DRC11: variants seen among roughly 807,000 people sequenced by gnomAD.
DRC11 encodes IQ and AAA domain-containing protein 1.
At chr2:236,365,316 C>T in the DRC11 span, among the ~76,000 whole-genome samples, 5 of 151,970 alleles carry the variant, frequency 3.3e-5, no homozygotes, top group Non-Finnish European at 5.9e-5. The surrounding 1 kb of genome is among the most constrained non-coding windows in gnomAD (Gnocchi z 7.4). Flanking sequence ...AACTGCTCCC[C>T]GCGGAGGACT....
chr2:236,374,716 G>C, the DRC11 span, among the ~76,000 whole-genome samples: 1 of 152,054 alleles, frequency 6.6e-6, no homozygotes, highest in Non-Finnish European at 1.5e-5. Context: ...TTGAGATGGT[G>C]TTTCGCTCTT....
the DRC11 span, among the ~76,000 whole-genome samples, chr2:236,417,807 T>A: frequency 6.6e-6 from 1 of 151,808 alleles, no homozygotes; most frequent in Non-Finnish European, 1.5e-5. Context: ...CAACTCCCAC[T>A]TATGAGTGAG....
At chr2:236,429,219 C>T in the DRC11 span, among the ~76,000 whole-genome samples, 1 of 152,214 alleles carries the variant, frequency 6.6e-6, no homozygotes, top group Non-Finnish European at 1.5e-5. The surrounding 1 kb of genome is among the most constrained non-coding windows in gnomAD (Gnocchi z 5.9). Flanking sequence ...CTTGCCATTT[C>T]AGGCAGCTGG....
chr2:236,488,008 T>G, the DRC11 span: 1 of 1,584,218 alleles, frequency 6.3e-7, no homozygotes, highest in Non-Finnish European at 8.6e-7. Context: ...ACCTTCTGAA[T>G]GCGGAGTGCA....
At chr2:236,323,304 C>T in the DRC11 span, among the ~76,000 whole-genome samples, 4 of 152,284 alleles carry the variant, frequency 2.6e-5, no homozygotes, top group Non-Finnish European at 4.4e-5. This position sits in a 1 kb window ranked among gnomAD's most constrained non-coding sequence, Gnocchi z 6.4. Flanking sequence ...TCTGCCATTT[C>T]TCAGGCCACC....
chr2:236,424,654 T>C, the DRC11 span, among the ~76,000 whole-genome samples: 3 of 150,356 alleles, frequency 2.0e-5, no homozygotes, highest in Admixed American at 2.0e-4. Flanking sequence ...GCATTTTTTG[T>C]GTGTGATGAG....
chr2:236,412,608 C>G, the DRC11 span: 1 of 152,244 alleles, frequency 6.6e-6, no homozygotes. Context: ...CTGTTCCACT[C>G]AAGATACCTG....
the DRC11 span, among the ~76,000 whole-genome samples, chr2:236,451,340 A>C: frequency 6.6e-6 from 1 of 151,810 alleles, no homozygotes; most frequent in Non-Finnish European, 1.5e-5. Context: ...TGTCTTGTTT[A>C]AAATAAAACA....
At chr2:236,459,816 G>A in the DRC11 span, among the ~76,000 whole-genome samples, 4 of 151,462 alleles carry the variant, frequency 2.6e-5, no homozygotes, top group African/African-American at 7.3e-5. Context: ...TCTATCTTGC[G>A]AATGTTCTAC....
At chr2:236,354,870 G>A in the DRC11 span, among the ~76,000 whole-genome samples, 7 of 152,242 alleles carry the variant, frequency 4.6e-5, no homozygotes, top group East Asian at 1.2e-3. Context: ...CATGTATCCC[G>A]GGTCCTGGAG....
the DRC11 span, among the ~76,000 whole-genome samples, chr2:236,448,806 T>A: frequency 6.6e-6 from 1 of 152,226 alleles, no homozygotes; most frequent in East Asian, 1.9e-4. The surrounding 1 kb of genome is among the most constrained non-coding windows in gnomAD (Gnocchi z 5.3). Context: ...GCCATGGAAT[T>A]TCATGTCTAG....
At chr2:236,426,333 T>A in the DRC11 span, among the ~76,000 whole-genome samples, 1 of 152,034 alleles carries the variant, frequency 6.6e-6, no homozygotes, top group African/African-American at 2.4e-5. The surrounding 1 kb of genome is among the most constrained non-coding windows in gnomAD (Gnocchi z 4.1). Context: ...GCATGTTTTG[T>A]AGGTTTCAAT....
the DRC11 span, chr2:236,324,584 G>C: frequency 1.4e-6 from 1 of 707,340 alleles, no homozygotes; most frequent in Non-Finnish European, 2.4e-6. The surrounding 1 kb of genome is among the most constrained non-coding windows in gnomAD (Gnocchi z 5.7). Context: ...GGGCAATGGT[G>C]AATCTTTTCT....
the DRC11 span, among the ~76,000 whole-genome samples, chr2:236,344,852 T>C: frequency 3.4e-5 from 5 of 146,940 alleles, no homozygotes; most frequent in Non-Finnish European, 5.9e-5. Flanking sequence ...CTCTCAGGTG[T>C]GCAGAGCCCT....
chr2:236,456,435 T>A, the DRC11 span, among the ~76,000 whole-genome samples: 1 of 152,066 alleles, frequency 6.6e-6, no homozygotes, highest in African/African-American at 2.4e-5. This position sits in a 1 kb window ranked among gnomAD's most constrained non-coding sequence, Gnocchi z 5.4. Flanking sequence ...ATTTGTTGAT[T>A]AGAGATGCAG....
chr2:236,422,135 GA>G, the DRC11 span, among the ~76,000 whole-genome samples: 1 of 152,166 alleles, frequency 6.6e-6, no homozygotes, highest in Non-Finnish European at 1.5e-5. Flanking sequence ...CATTCCCTTT[GA>G]AAACGGGCAC....
chr2:236,453,129 G>T, the DRC11 span, among the ~76,000 whole-genome samples: 1 of 152,198 alleles, frequency 6.6e-6, no homozygotes, highest in Non-Finnish European at 1.5e-5. The surrounding 1 kb of genome is among the most constrained non-coding windows in gnomAD (Gnocchi z 4.9). Context: ...ATTGATAGGA[G>T]CAGGTCATTC....
At chr2:236,380,441 C>T in the DRC11 span, 1 of 719,760 alleles carries the variant, frequency 1.4e-6, no homozygotes, top group South Asian at 1.9e-5. The surrounding 1 kb of genome is among the most constrained non-coding windows in gnomAD (Gnocchi z 4.9). Flanking sequence ...TTAGAGGTGG[C>T]TCCCACCACT....
the DRC11 span, among the ~76,000 whole-genome samples, chr2:236,329,090 C>G: frequency 1.3e-5 from 2 of 152,222 alleles, no homozygotes; most frequent in Non-Finnish European, 2.9e-5. Context: ...GCTGGGCTAC[C>G]TGGAGTACCA....
Sources: gnomAD v4.1 joint callset for allele counts (sites outside exome capture counted in the v4.1 genomes callset) on GRCh38, gnomAD v4.1.1 for gene constraint, Gnocchi (gnomAD v3.1) non-coding constraint, MANE v1.5 for transcripts, NCBI Gene and HGNC (gene_info 2026-07-23, HGNC 2026-07-21) for gene names.